The following CSMD1 variants were observed in gnomAD, a reference collection of about 807,000 sequenced individuals.
CSMD1 encodes CUB and Sushi multiple domains 1, also known as CUB and sushi domain-containing protein 1.
A neutral mutation model predicts 417.5 loss-of-function variants in CSMD1; 213 were observed. The ratio of observed to expected loss-of-function variants is 0.51; its 90% confidence interval spans 0.46 to 0.57. The LOEUF is 0.57. CSMD1 is among the 20% of genes least tolerant of loss of function. The pLI is 0.00. For missense variants in CSMD1, 6,923 were observed against 4,529.7 expected (o/e 1.53, Z -15.17); for synonymous variants, 2,862 against 1,736.8 (o/e 1.65, Z -16.11).
chr8:4,040,505 T>C (rs558652229), intron 3 of CSMD1, among the ~76,000 whole-genome samples: 2 of 152,322 alleles, frequency 1.3e-5, no homozygotes, highest in East Asian at 1.9e-4. Flanking sequence ...AACTCTTTCA[T>C]ATGAAAATGT....
At chr8:2,949,622 G>A (rs368178082) in intron 67 of CSMD1, among the ~76,000 whole-genome samples, 44 of 152,160 alleles carry the variant, frequency 2.9e-4, no homozygotes, top group Admixed American at 9.2e-4. Flanking sequence ...TTTTGATCTC[G>A]AAAATGATAG....
At position 3,795,382 on chromosome 8, in the gene CSMD1, G is replaced by A. The variant is rs1456906671; in HGVS notation, c.819-41340C>T. Among the ~76,000 whole-genome samples, 3 of 37,128 alleles carry A rather than the reference G, an allele frequency of 8.1e-5. 1 individual carries two copies. Among genetic ancestry groups the A allele is most frequent in the Non-Finnish European group, 1.7e-4 (3 of 18,114 alleles). The allele number at this position is 37,128 out of a possible 152,430, so 24.4% of individuals were successfully genotyped here. A position where few individuals can be genotyped will look rare whatever the true frequency, so the allele number is the denominator to read the frequency against. On this transcript the variant is annotated intron_variant, in intron 5 of 69. Coordinates refer to ENST00000635120, the MANE Select transcript of CSMD1 (RefSeq NM_033225.6). ...TATCATGTATATAGATATATATCAT[G>A]TATAGATATAGATATCTATCATAGA...
chr8:4,066,535 C>G (rs1470697471), intron 3 of CSMD1, among the ~76,000 whole-genome samples: 1 of 152,084 alleles, frequency 6.6e-6, no homozygotes, highest in East Asian at 1.9e-4. Context: ...AATGTATCTA[C>G]CTGAAATTTT....
chr8:3,223,826 A>G lies in CSMD1; in HGVS notation c.4387T>C (p.Leu1463=), dbSNP rs761477896. ...TACGGCTGTGGGTAGTTGGGTGACAAAATAACACCTGCTGGGCCCGTCAGA... is the reference window on the plus strand; with the variant it reads ...TACGGCTGTGGGTAGTTGGGTGACAGAATAACACCTGCTGGGCCCGTCAGA... ...GNLTGPAGVI[L]SPNYPQPYPP... The change falls in exon 28 of 70, where the codon TTG becomes CTG. Residue 1463 remains leucine, a synonymous_variant. Coordinates refer to ENST00000635120, the MANE Select transcript of CSMD1 (RefSeq NM_033225.6). The G allele has an allele frequency of 1.9e-6, 3 of 1,613,948 alleles. No homozygotes were observed. Among genetic ancestry groups the G allele is most frequent in the Non-Finnish European group, 2.5e-6 (3 of 1,179,856 alleles).
chr8:4,207,075 T>C (rs1317801895), intron 3 of CSMD1, among the ~76,000 whole-genome samples: 2 of 152,194 alleles, frequency 1.3e-5, no homozygotes, highest in Admixed American at 6.5e-5. Context: ...AGGTGTATTA[T>C]GAATGCCAGA....
At chr8:4,277,228 C>G (rs948718728) in intron 3 of CSMD1, among the ~76,000 whole-genome samples, 13 of 152,064 alleles carry the variant, frequency 8.5e-5, no homozygotes, top group Admixed American at 3.9e-4. Context: ...CACACAGACA[C>G]ATACATACTG....
At chr8:4,236,055 T>TTTTTTTTTTTTTTTGTG (rs1563316729) in intron 3 of CSMD1, among the ~76,000 whole-genome samples, 1 of 83,750 alleles carries the variant, frequency 1.2e-5, no homozygotes, top group Non-Finnish European at 2.6e-5. Flanking sequence ...TTTTTTTTTT[T>TTTTTTTTTTTTTTTGTG]TTTTTTTTTT....
chr8:4,992,668 T>C (rs559848315), intron 1 of CSMD1, among the ~76,000 whole-genome samples: 1 of 152,246 alleles, frequency 6.6e-6, no homozygotes, highest in East Asian at 1.9e-4. Context: ...CGCCTTCCAA[T>C]TCCCAGCCAG....
At chr8:4,492,144 T>C (rs1435552754) in intron 2 of CSMD1, among the ~76,000 whole-genome samples, 10 of 152,194 alleles carry the variant, frequency 6.6e-5, no homozygotes, top group Admixed American at 6.5e-4. Flanking sequence ...TTGTCCACGC[T>C]AGAGCACAGG....
chr8:3,589,552 C>A (rs1584929639), intron 8 of CSMD1, among the ~76,000 whole-genome samples: 1 of 152,200 alleles, frequency 6.6e-6, no homozygotes, highest in African/African-American at 2.4e-5. Flanking sequence ...TGCATGATCT[C>A]ATTTCTAGGT....
intron 25 of CSMD1, among the ~76,000 whole-genome samples, chr8:3,286,618 A>G (rs1304012848): frequency 6.6e-6 from 1 of 151,754 alleles, no homozygotes; most frequent in Non-Finnish European, 1.5e-5. Context: ...GGCTGCATAA[A>G]TGTCTTCTTT....
chr8:3,399,359 T>G lies in CSMD1; in HGVS notation c.2405+32A>C, dbSNP rs1266875891. On this transcript the variant is annotated intron_variant, in intron 16 of 69. Coordinates refer to ENST00000635120, the MANE Select transcript of CSMD1 (RefSeq NM_033225.6). ...AAACTATGGAAGAGACACACACCATTGGGTCCAAATGAAGACTAATTTTTT... is the reference window on the plus strand; with the variant it reads ...AAACTATGGAAGAGACACACACCATGGGGTCCAAATGAAGACTAATTTTTT... The G allele has an allele frequency of 1.9e-6, 3 of 1,569,002 alleles. No homozygotes were observed. The African/African-American group carries it at 4.1e-5, about 21-fold the overall frequency.
intron 2 of CSMD1, among the ~76,000 whole-genome samples, chr8:4,526,364 G>A (rs906400858): frequency 3.9e-5 from 6 of 152,234 alleles, no homozygotes; most frequent in Admixed American, 6.5e-5. Context: ...TGACCATGAA[G>A]ATCGTGGTCT....
intron 1 of CSMD1, among the ~76,000 whole-genome samples, chr8:4,944,047 A>C (rs1200159907): frequency 2.6e-5 from 4 of 152,168 alleles, no homozygotes; most frequent in Non-Finnish European, 5.9e-5. Context: ...AAGTCTGGGG[A>C]AAGAAGTGAG....
chr8:4,507,985 C>T (rs961519471), intron 2 of CSMD1, among the ~76,000 whole-genome samples: 2 of 150,970 alleles, frequency 1.3e-5, no homozygotes, highest in South Asian at 2.1e-4. Flanking sequence ...GAGAATCCTA[C>T]GAACACAGAC....
At chr8:4,452,903 G>T (rs575140740) in intron 2 of CSMD1, among the ~76,000 whole-genome samples, 2 of 152,174 alleles carry the variant, frequency 1.3e-5, no homozygotes, top group Non-Finnish European at 2.9e-5. Flanking sequence ...GAGAAGCAAC[G>T]ATGGGCACAG....
At chr8:4,637,585 G>T (rs2617008) in intron 1 of CSMD1, 27 bp from the exon 2 acceptor site, 1 of 1,506,106 alleles carries the variant, frequency 6.6e-7, no homozygotes, top group South Asian at 1.1e-5. Flanking sequence ...ACACAAAAAA[G>T]CATATTATTC....
chr8:3,846,483 G>A (rs957780777), intron 5 of CSMD1, among the ~76,000 whole-genome samples: 6 of 152,248 alleles, frequency 3.9e-5, no homozygotes, highest in East Asian at 1.9e-4. Flanking sequence ...GTTTTTTCAC[G>A]TGTGAAACTC....
At chr8:4,744,322 C>T (rs1281192188) in intron 1 of CSMD1, among the ~76,000 whole-genome samples, 2 of 152,148 alleles carry the variant, frequency 1.3e-5, no homozygotes, top group Non-Finnish European at 2.9e-5. Flanking sequence ...CTGAGTTCTA[C>T]TGATGTGTGT....
Sources: allele counts gnomAD v4.1 joint callset (sites outside exome capture counted in the v4.1 genomes callset), GRCh38; gene constraint gnomAD v4.1.1; transcripts MANE v1.5; gene names NCBI Gene and HGNC (gene_info 2026-07-23, HGNC 2026-07-21).